CBLB: variants seen among roughly 807,000 people sequenced by gnomAD.
CBLB encodes the protein E3 ubiquitin-protein ligase CBL-B.
A neutral mutation model predicts 104.9 loss-of-function variants in CBLB; 31 were observed. The observed-to-expected ratio is 0.30, with a 90% CI of 0.22 to 0.40. CBLB has a LOEUF of 0.40. Among genes scored for constraint, CBLB ranks in the 10% least tolerant of loss-of-function variants. The pLI is 1.00. For synonymous variants in CBLB, 440 were observed against 422.6 expected (o/e 1.04, Z -0.51); for missense variants, 1,062 against 1,214.6 (o/e 0.87, Z 1.87).
chr3:105,665,442 T>C (rs1368144416), intron 18 of CBLB, among the ~76,000 whole-genome samples: 3,176 of 66,298 alleles, frequency 0.048, 119 homozygotes, highest in African/African-American at 0.11. Flanking sequence ...TATATATATA[T>C]ACACACACAC....
intron 3 of CBLB, among the ~76,000 whole-genome samples, chr3:105,833,046 C>A (rs923886661): frequency 8.6e-5 from 13 of 151,998 alleles, no homozygotes; most frequent in Admixed American, 8.5e-4. Flanking sequence ...GTCCTAAAGG[C>A]CTGAAAAACT....
intron 13 of CBLB, among the ~76,000 whole-genome samples, chr3:105,690,468 T>A (rs1559833486): frequency 6.6e-6 from 1 of 152,092 alleles, no homozygotes; most frequent in Non-Finnish European, 1.5e-5. Context: ...GGAGATAATT[T>A]AAGTTAAACT....
chr3:105,705,862 C>A (rs1430773554), intron 10 of CBLB, among the ~76,000 whole-genome samples: 1 of 152,196 alleles, frequency 6.6e-6, no homozygotes, highest in African/African-American at 2.4e-5. Flanking sequence ...GAGGCCAGCC[C>A]TGGTGGCTGA....
At chr3:105,706,911 C>A (rs2070231410) in intron 10 of CBLB, among the ~76,000 whole-genome samples, 1 of 152,116 alleles carries the variant, frequency 6.6e-6, no homozygotes, top group African/African-American at 2.4e-5. Context: ...TTTTTTTCTG[C>A]AAATATTTTC....
chr3:105,680,949 G>A (rs1405757893), intron 16 of CBLB: 1 of 159,482 alleles, frequency 6.3e-6, no homozygotes, highest in Non-Finnish European at 1.4e-5. Flanking sequence ...AATACACATA[G>A]GATGTTTCTT....
intron 16 of CBLB, among the ~76,000 whole-genome samples, chr3:105,680,036 A>G (rs2066124939): frequency 6.6e-6 from 1 of 152,142 alleles, no homozygotes; most frequent in East Asian, 1.9e-4. Context: ...CTGAGATTCC[A>G]TGAAAGGAGC....
chr3:105,834,559 G>A (rs563994498), intron 3 of CBLB, among the ~76,000 whole-genome samples: 4 of 152,306 alleles, frequency 2.6e-5, no homozygotes, highest in African/African-American at 9.6e-5. Flanking sequence ...AGGAGGCTGA[G>A]GCAGGAGAAT....
intron 4 of CBLB, among the ~76,000 whole-genome samples, chr3:105,769,016 T>G (rs1429636814): frequency 6.6e-6 from 1 of 152,212 alleles, no homozygotes; most frequent in Non-Finnish European, 1.5e-5. Context: ...TCATGTAGTC[T>G]GTTAACAATT....
At chr3:105,669,054 T>C (rs190761886) in intron 18 of CBLB, among the ~76,000 whole-genome samples, 21 of 139,986 alleles carry the variant, frequency 1.5e-4, no homozygotes, top group Admixed American at 4.5e-4. Flanking sequence ...TTTTGCCTAT[T>C]TGTCCACTCA....
chr3:105,771,307 C>A (rs1040784618), intron 4 of CBLB, among the ~76,000 whole-genome samples: 1 of 151,972 alleles, frequency 6.6e-6, no homozygotes, highest in South Asian at 2.1e-4. Flanking sequence ...TCTCAATAGA[C>A]CCAGAAATAG....
At chr3:105,854,074 C>CT (rs765352246) in intron 2 of CBLB, among the ~76,000 whole-genome samples, 2 of 152,110 alleles carry the variant, frequency 1.3e-5, no homozygotes, top group Non-Finnish European at 2.9e-5. Flanking sequence ...CCAGCTGTTG[C>CT]TGTCTCATAG....
chr3:105,844,872 T>C (rs1427155589), intron 3 of CBLB, among the ~76,000 whole-genome samples: 1 of 152,196 alleles, frequency 6.6e-6, no homozygotes, highest in African/African-American at 2.4e-5. Context: ...GTCTGTTTTA[T>C]AAACAAACTT....
rs2078712422 is a variant in CBLB at position 105,770,270 on chromosome 3, A to G, written c.566+6126T>C. On this transcript the variant is annotated intron_variant, in intron 4 of 18. Transcript: ENST00000394030. The stretch of plus-strand genomic sequence containing the variant: ...GAGGCTATAGCCTACTACGTGAGAC[A>G]GGTGAAAAACTCCTAAGTCCTCAGA... Among the ~76,000 whole-genome samples the G allele has an allele frequency of 3.3e-5, 5 of 152,234 alleles. No individual in the cohort carries two copies. In the South Asian group the frequency reaches 8.3e-4, roughly 25 times the overall value.
At chr3:105,665,538 G>A (rs1463792439) in intron 18 of CBLB, among the ~76,000 whole-genome samples, 1 of 143,880 alleles carries the variant, frequency 7.0e-6, no homozygotes, top group African/African-American at 2.5e-5. Flanking sequence ...ATATTACACA[G>A]TAAAAATAAA....
intron 9 of CBLB, among the ~76,000 whole-genome samples, chr3:105,731,771 T>C (rs1463203916): frequency 6.6e-6 from 1 of 152,202 alleles, no homozygotes. Context: ...CTATTTTGTA[T>C]GATGCTTTGA....
At position 105,656,802 on chromosome 3, in the gene CBLB, T is replaced by C. The variant is rs1222128344; in HGVS notation, c.*2168A>G. 4.9e-6 allele frequency: 1 copy of C among 204,066 alleles called. No homozygotes were observed. Among genetic ancestry groups the C allele is most frequent in the Non-Finnish European group, 1.0e-5 (1 of 99,672 alleles). 12.6% of individuals were successfully genotyped at this position (204,066 alleles called of 1,614,324 possible). Reference sequence around the variant, plus strand: ...TTGCAACAATGTTATCACAATGAAGTGGCAACTTTTGGCCTTTAGACTGTA... The same window carrying C: ...TTGCAACAATGTTATCACAATGAAGCGGCAACTTTTGGCCTTTAGACTGTA... On this transcript the variant is annotated 3_prime_UTR_variant, in exon 19 of 19. Transcript: ENST00000394030.
intron 12 of CBLB, among the ~76,000 whole-genome samples, chr3:105,697,426 T>C (rs565207809): frequency 1.3e-5 from 2 of 152,086 alleles, no homozygotes; most frequent in African/African-American, 2.4e-5. Flanking sequence ...GTGAAAATCT[T>C]AGCACAATTA....
chr3:105,728,080 A>G lies in CBLB; in HGVS notation c.1203+5929T>C, dbSNP rs142378179. ...AGTAGTTTTTTCTAAGTCTGTGAAG[A>G]AAGTCAATGGTAGTTTGATGGGGAT... On this transcript the variant is annotated intron_variant, in intron 9 of 18. Coordinates refer to ENST00000394030, the MANE Select transcript of CBLB (RefSeq NM_170662.5). Among the ~76,000 whole-genome samples, 212 of 152,324 alleles carry G rather than the reference A, an allele frequency of 1.4e-3. 2 individuals are homozygous for G. The highest frequency in any genetic ancestry group is 1.2e-3 in the Non-Finnish European group (82 of 68,024).
chr3:105,717,283 A>T (rs1472501846), intron 10 of CBLB, among the ~76,000 whole-genome samples: 3 of 152,200 alleles, frequency 2.0e-5, no homozygotes. Flanking sequence ...TCACAGCTAA[A>T]AAAAACACTG....
Sources: gnomAD v4.1 joint callset for allele counts (sites outside exome capture counted in the v4.1 genomes callset) on GRCh38, gnomAD v4.1.1 for gene constraint, MANE v1.5 for transcripts, NCBI Gene and HGNC (gene_info 2026-07-23, HGNC 2026-07-21) for gene names.